HK1: variants seen among roughly 807,000 people sequenced by gnomAD.
HK1 encodes the protein hexokinase-1.
HK1 carries 28 observed loss-of-function variants against 91.6 expected under a neutral mutation model. That is an observed-to-expected ratio of 0.31 (90% CI 0.23 to 0.42). HK1 has a LOEUF of 0.42. Ranked by LOEUF, HK1 falls within the 10% of genes least tolerant of loss-of-function variation. The pLI is 1.00. For missense variants in HK1, 770 were observed against 1,219.8 expected (o/e 0.63, Z 5.49); for synonymous variants, 430 against 468.1 (o/e 0.92, Z 1.05).
At chr10:69,353,760 C>T (rs7092155) in intron 2 of HK1, among the ~76,000 whole-genome samples, 47,619 of 152,078 alleles carry the variant, frequency 0.31, 7,909 homozygotes, top group South Asian at 0.4. Context: ...CCATGCCCCT[C>T]CCTGTGTATC....
chr10:69,399,452 C>T (rs2132979010), intron 17 of HK1, among the ~76,000 whole-genome samples: 1 of 152,220 alleles, frequency 6.6e-6, no homozygotes, highest in East Asian at 1.9e-4. Flanking sequence ...GTGGAGGTTG[C>T]AGTGAGCCCA....
intron 2 of HK1, among the ~76,000 whole-genome samples, chr10:69,349,616 G>A (rs1299608017): frequency 6.6e-6 from 1 of 152,198 alleles, no homozygotes; most frequent in Non-Finnish European, 1.5e-5. Flanking sequence ...AGCCAAGGCA[G>A]GCTGTCTCAC....
At chr10:69,323,117 G>A (rs943663054) in intron 1 of HK1, among the ~76,000 whole-genome samples, 3 of 151,100 alleles carry the variant, frequency 2.0e-5, no homozygotes, top group African/African-American at 7.3e-5. Context: ...GTGGTAGCAT[G>A]CACCTGAAGT....
At chr10:69,345,989 T>C (rs1026557498) in intron 2 of HK1, among the ~76,000 whole-genome samples, 2 of 152,178 alleles carry the variant, frequency 1.3e-5, no homozygotes, top group Non-Finnish European at 2.9e-5. Context: ...GAGCCCACAC[T>C]TCGCTTGCAA....
chr10:69,356,600 T>C (rs1415529349), intron 2 of HK1, among the ~76,000 whole-genome samples: 2 of 151,746 alleles, frequency 1.3e-5, no homozygotes, highest in Admixed American at 6.6e-5. Context: ...AAAAGACAAA[T>C]GAGGCCGGGT....
At chr10:69,323,082 CTAAAAA>C (rs1212668441) in intron 1 of HK1, among the ~76,000 whole-genome samples, 1 of 151,366 alleles carries the variant, frequency 6.6e-6, no homozygotes, top group Non-Finnish European at 1.5e-5. Context: ...CCCGTCTCTA[CTAAAAA>C]TACAAAAATT....
At chr10:69,304,086 T>C (rs1170341359) in intron 5 of HK1, among the ~76,000 whole-genome samples, 1 of 152,126 alleles carries the variant, frequency 6.6e-6, no homozygotes, top group Non-Finnish European at 1.5e-5. Context: ...GGCTTTACAA[T>C]AGTGATGTAA....
At chr10:69,287,399 A>G (rs116993426) in intron 2 of HK1, among the ~76,000 whole-genome samples, 3,031 of 152,328 alleles carry the variant, frequency 0.02, 181 homozygotes, top group East Asian at 0.15. Context: ...CTCCCTTGAC[A>G]TGTGGGGATT....
At chr10:69,347,111 C>T (rs559466361) in intron 2 of HK1, among the ~76,000 whole-genome samples, 51 of 151,498 alleles carry the variant, frequency 3.4e-4, no homozygotes, top group African/African-American at 1.1e-3. Flanking sequence ...ATGGTTCAAG[C>T]GATCCTCCTG....
At chr10:69,289,460 AATTTTTTTTTT>A (rs1287790555) in intron 3 of HK1, among the ~76,000 whole-genome samples, 2 of 93,660 alleles carry the variant, frequency 2.1e-5, no homozygotes, top group South Asian at 4.2e-4. Context: ...TAAAAAAAAA[AATTTTTTTTTT>A]TTTTTTTTTT....
At chr10:69,367,337 TC>T (rs1326867146) in intron 4 of HK1, among the ~76,000 whole-genome samples, 2 of 152,148 alleles carry the variant, frequency 1.3e-5, no homozygotes, top group Non-Finnish European at 2.9e-5. Flanking sequence ...TTCAAGATTG[TC>T]CACTTCTAGA....
At chr10:69,377,933 C>T (rs1387504471) in intron 8 of HK1, among the ~76,000 whole-genome samples, 1 of 152,222 alleles carries the variant, frequency 6.6e-6, no homozygotes, top group Non-Finnish European at 1.5e-5. Context: ...ACTGTAGCCC[C>T]TTGGCATCAC....
At chr10:69,396,225 T>C (rs1301019000) in intron 16 of HK1, among the ~76,000 whole-genome samples, 4 of 145,484 alleles carry the variant, frequency 2.7e-5, no homozygotes, top group African/African-American at 1.0e-4. Context: ...GAGCTGAGGT[T>C]GCACCACTGC....
intron 10 of HK1, 85 bp from the exon 11 acceptor site, chr10:69,384,248 C>T: frequency 1.3e-6 from 2 of 1,532,338 alleles, no homozygotes; most frequent in Non-Finnish European, 1.8e-6. Flanking sequence ...GGGTTCTCCC[C>T]TTGAAAGTCT....
At position 69,359,205 on chromosome 10, in the gene HK1, A is replaced by AG. The variant is rs141736122; in HGVS notation, c.227-691dup. 4.3e-3 allele frequency among the ~76,000 whole-genome samples: 649 copies of AG among 152,350 alleles called. 2 individuals carry two copies. The highest frequency in any genetic ancestry group is 0.024 in the Middle Eastern group (7 of 294). ...AGGCAAGTTCATAGAGACAGAGAGT[A>AG]GAATCGTGGATGCTGGGGACTGAGG... On this transcript the variant is annotated intron_variant, in intron 2 of 17. Transcript: ENST00000359426.
intron 5 of HK1, among the ~76,000 whole-genome samples, chr10:69,307,015 G>A (rs1022768224): frequency 6.6e-6 from 1 of 152,138 alleles, no homozygotes; most frequent in Non-Finnish European, 1.5e-5. Context: ...GACAAGGAGG[G>A]GAATTGAGAA....
chr10:69,290,890 G>A (rs1045437967), intron 3 of HK1, among the ~76,000 whole-genome samples: 1 of 152,188 alleles, frequency 6.6e-6, no homozygotes, highest in Non-Finnish European at 1.5e-5. Context: ...GGAATCCAAG[G>A]CTCCTGTGTG....
intron 2 of HK1, among the ~76,000 whole-genome samples, chr10:69,346,993 C>T (rs1186273699): frequency 4.6e-5 from 7 of 151,844 alleles, no homozygotes; most frequent in African/African-American, 1.7e-4. Flanking sequence ...AGACTGATTA[C>T]TCAAGTATCC....
chr10:69,375,628 T>A (rs1839057068), intron 7 of HK1, among the ~76,000 whole-genome samples: 1 of 152,192 alleles, frequency 6.6e-6, no homozygotes, highest in African/African-American at 2.4e-5. Context: ...TCTGGGCGGC[T>A]CTGGTTGGAA....
Sources: allele counts gnomAD v4.1 joint callset (sites outside exome capture counted in the v4.1 genomes callset), GRCh38; gene constraint gnomAD v4.1.1; transcripts MANE v1.5; gene names NCBI Gene and HGNC (gene_info 2026-07-23, HGNC 2026-07-21).